Variants in SLC25A48 observed in about 807,000 individuals in gnomAD.
SLC25A48 encodes CTC-321K16.1.
A neutral mutation model predicts 32.2 loss-of-function variants in SLC25A48; 29 were observed. The observed-to-expected ratio is 0.90, with a 90% CI of 0.67 to 1.23. The LOEUF is 1.23. Among genes scored for constraint, SLC25A48 ranks in the 50% most tolerant of loss-of-function variants. The pLI is 0.00. For synonymous variants in SLC25A48, 164 were observed against 172.3 expected (o/e 0.95, Z 0.38); for missense variants, 399 against 422.7 (o/e 0.94, Z 0.49).
chr5:135,597,791 G>T (rs1207251730), intron 1 of SLC25A48, among the ~76,000 whole-genome samples: 1 of 152,136 alleles, frequency 6.6e-6, no homozygotes, highest in Non-Finnish European at 1.5e-5. Flanking sequence ...ATCACCTGAG[G>T]TCAGGAATTT....
At chr5:135,720,150 T>C (rs1046720951) in intron 3 of SLC25A48, among the ~76,000 whole-genome samples, 13 of 152,226 alleles carry the variant, frequency 8.5e-5, no homozygotes, top group African/African-American at 2.9e-4. Context: ...GTGGAGCTCT[T>C]GACTATGGGG....
At chr5:135,750,885 C>T (rs1030964703) in intron 3 of SLC25A48, among the ~76,000 whole-genome samples, 9 of 137,936 alleles carry the variant, frequency 6.5e-5, no homozygotes, top group African/African-American at 2.4e-4. Context: ...AGGGCTTTTG[C>T]CTGTTTCACT....
At chr5:135,643,637 C>T (rs958633285) in intron 3 of SLC25A48, among the ~76,000 whole-genome samples, 1 of 152,208 alleles carries the variant, frequency 6.6e-6, no homozygotes, top group Non-Finnish European at 1.5e-5. Context: ...AAGTCCGGTC[C>T]TTTCAGCCAA....
At chr5:135,700,804 T>C (rs1754377683) in intron 3 of SLC25A48, among the ~76,000 whole-genome samples, 2 of 152,206 alleles carry the variant, frequency 1.3e-5, no homozygotes, top group South Asian at 4.1e-4. Context: ...CTAGCAGGGG[T>C]GCACCTACCA....
chr5:135,767,993 A>T (rs1281646051), intron 3 of SLC25A48, among the ~76,000 whole-genome samples: 1 of 147,674 alleles, frequency 6.8e-6, no homozygotes, highest in African/African-American at 2.5e-5. Context: ...CCAATATCAC[A>T]GCGGGTGTAC....
intron 3 of SLC25A48, among the ~76,000 whole-genome samples, chr5:135,774,014 A>G (rs1171447539): frequency 4.6e-5 from 7 of 151,682 alleles, no homozygotes; most frequent in African/African-American, 1.7e-4. Context: ...ATTACTCCCA[A>G]TATCGCAGGC....
intron 3 of SLC25A48, among the ~76,000 whole-genome samples, chr5:135,728,841 T>TACACACACACACACACACACAC (rs33918902): frequency 1.8e-4 from 26 of 141,666 alleles, no homozygotes; most frequent in East Asian, 6.5e-4. Flanking sequence ...CATACACAAA[T>TACACACACACACACACACACAC]ACACACACAC....
intron 3 of SLC25A48, among the ~76,000 whole-genome samples, chr5:135,748,447 T>C (rs1755693473): frequency 6.6e-6 from 1 of 152,114 alleles, no homozygotes; most frequent in African/African-American, 2.4e-5. Flanking sequence ...TAATTTTTTG[T>C]ATTTTTGGTA....
At chr5:135,860,016 C>T (rs1180603021) in intron 4 of SLC25A48, among the ~76,000 whole-genome samples, 1 of 152,200 alleles carries the variant, frequency 6.6e-6, no homozygotes, top group Non-Finnish European at 1.5e-5. Context: ...GGCTCCTCTC[C>T]TCCCTCTAGC....
chr5:135,688,279 A>G (rs547194028), intron 3 of SLC25A48, among the ~76,000 whole-genome samples: 3 of 152,054 alleles, frequency 2.0e-5, no homozygotes, highest in South Asian at 4.2e-4. Context: ...TCATCCACCA[A>G]TGGATATTTG....
rs139702146 is a variant in SLC25A48 at position 135,818,725 on chromosome 5, C to A, written c.-117+5799C>A. On this transcript the variant is annotated intron_variant, in intron 4 of 10. Transcript: ENST00000646290. Reference sequence around the variant, plus strand: ...AATGACCAGAAAAATGTGAACAATTCTCAAGGGAAAAGACAACTAATGTCA... The same window carrying A: ...AATGACCAGAAAAATGTGAACAATTATCAAGGGAAAAGACAACTAATGTCA... Among the ~76,000 whole-genome samples the A allele has an allele frequency of 1.9e-4, 29 of 152,178 alleles. No individual in the cohort carries two copies. In the East Asian group the frequency reaches 4.8e-3, roughly 25 times the overall value.
intron 2 of SLC25A48, 123 bp downstream of exon 2, chr5:135,842,582 C>T (rs941332230): frequency 9.9e-7 from 1 of 1,007,548 alleles, no homozygotes; most frequent in Non-Finnish European, 1.5e-6. Context: ...CTCTCTGTTG[C>T]CAGTCCAGGG....
chr5:135,718,225 C>T (rs1754855721), intron 3 of SLC25A48, among the ~76,000 whole-genome samples: 1 of 152,110 alleles, frequency 6.6e-6, no homozygotes. Flanking sequence ...AGCTGAGTCC[C>T]CTTGGCTCCC....
intron 2 of SLC25A48, among the ~76,000 whole-genome samples, chr5:135,846,374 T>G (rs971237088): frequency 6.6e-6 from 1 of 152,158 alleles, no homozygotes; most frequent in African/African-American, 2.4e-5. Flanking sequence ...CAGTGGGGGT[T>G]CTTGTTTTGC....
intron 1 of SLC25A48, among the ~76,000 whole-genome samples, chr5:135,613,122 G>C (rs1330895806): frequency 6.6e-6 from 1 of 152,092 alleles, no homozygotes; most frequent in East Asian, 1.9e-4. Context: ...CATTCTAACT[G>C]GTCTAAGATC....
chr5:135,874,292 G>GCTT, intron 6 of SLC25A48, 138 bp downstream of exon 6: 3 of 1,116,864 alleles, frequency 2.7e-6, no homozygotes, highest in Non-Finnish European at 3.6e-6. Context: ...TGCCACAAGT[G>GCTT]GGTGCTTTGT....
At chr5:135,833,595 C>T (rs1009086212), upstream of SLC25A48, among the ~76,000 whole-genome samples, 5 of 152,246 alleles carry the variant, frequency 3.3e-5, no homozygotes, top group East Asian at 5.8e-4. Flanking sequence ...GTTGAGGTGC[C>T]GGGATGGGGT....
chr5:135,609,776 A>T (rs1050616082), intron 1 of SLC25A48: 1 of 152,250 alleles, frequency 6.6e-6, no homozygotes, highest in Non-Finnish European at 1.5e-5. Flanking sequence ...ACTTATTATC[A>T]TCTATATAAA....
rs1013398263 is a variant in SLC25A48 at position 135,874,087 on chromosome 5, T to C, written c.746T>C (p.Val249Ala). 3.9e-6 allele frequency: 6 copies of C among 1,525,356 alleles called. No homozygotes were observed. In the African/African-American group the frequency reaches 8.3e-5, roughly 21 times the overall value. 94.5% of individuals were successfully genotyped at this position (1,525,356 alleles called of 1,614,324 possible). Residue 249 changes from valine to alanine, a missense_variant, in exon 6 of 8, where the codon GTT becomes GCT. Physicochemically the swap from Val to Ala is moderately conservative, Grantham distance 64 (BLOSUM62 0). Transcript: ENST00000681962. ...VVKSRLQADG[V>A]YLNKYKGVLD... ...AAAAGTCGACTCCAAGCTGATGGGG[T>C]TTATTTAAACAAATATAAAGGTGTC...
Sources: allele counts gnomAD v4.1 joint callset (sites outside exome capture counted in the v4.1 genomes callset), GRCh38; gene constraint gnomAD v4.1.1; transcripts MANE v1.5; gene names NCBI Gene and HGNC (gene_info 2026-07-23, HGNC 2026-07-21).